Variants in RO60 observed in about 807,000 individuals in gnomAD.
The protein encoded by RO60 is Ro60, Y RNA binding protein.
In RO60, 20 loss-of-function variants were observed where a neutral mutation model predicts 55.3. The ratio of observed to expected loss-of-function variants is 0.36; its 90% CI spans 0.25 to 0.53. The LOEUF is 0.53. Ranked by LOEUF, RO60 falls within the 20% of genes least tolerant of loss-of-function variation. The probability of loss-of-function intolerance (pLI) is 0.92; values close to 1 mark genes in which losing one functional copy is unlikely to be tolerated. For synonymous variants in RO60, 213 were observed against 213.6 expected (o/e 1.00, Z 0.02); for missense variants, 558 against 646.6 (o/e 0.86, Z 1.49).
intron 1 of RO60, chr1:193,060,163 G>T: frequency 8.8e-7 from 1 of 1,139,250 alleles, no homozygotes; most frequent in Admixed American, 3.6e-5. Flanking sequence ...TTGGAAGAAG[G>T]ATCTTTGTGG....
At chr1:193,083,383 T>C (rs1674449839) in intron 8 of RO60, among the ~76,000 whole-genome samples, 1 of 152,242 alleles carries the variant, frequency 6.6e-6, no homozygotes, top group Non-Finnish European at 1.5e-5. Flanking sequence ...CTATGCTCTA[T>C]GTTTTATGGA....
At position 193,085,793 on chromosome 1, in the gene RO60, A is replaced by G. The variant is rs558624865; in HGVS notation, c.*1062A>G. The G allele has an allele frequency of 9.7e-4, 951 of 985,128 alleles. 1 individual carries two copies. The highest frequency in any genetic ancestry group is 1.1e-3 in the Non-Finnish European group (913 of 829,666). The allele number at this position is 985,128 out of a possible 1,614,324, so 61.0% of individuals were successfully genotyped here. The stretch of plus-strand genomic sequence containing the variant: ...TCTTCTTTGATAGTGTAAACAAATA[A>G]TAAAGCAATCTAGGTCCTTTAGGTT... On this transcript the variant is annotated 3_prime_UTR_variant, in exon 9 of 9. Coordinates refer to ENST00000400968, the MANE Select transcript of RO60 (RefSeq NM_001173524.2).
chr1:193,082,255 A>G lies in RO60; in HGVS notation c.1273A>G (p.Thr425Ala). 6.2e-7 allele frequency: 1 copy of G among 1,613,514 alleles called. No individual in the cohort carries two copies. Among genetic ancestry groups the G allele is most frequent in the Non-Finnish European group, 8.5e-7 (1 of 1,179,712 alleles). The change falls in exon 7 of 9, where the codon ACT (threonine) becomes GCT (alanine). Residue 425 changes from threonine (T) to alanine (A), a missense_variant. By Grantham distance (58) the Thr-to-Ala change is moderately conservative (BLOSUM62 0). Coordinates refer to ENST00000400968, the MANE Select transcript of RO60 (RefSeq NM_001173524.2). The part of the protein sequence containing the change: ...FSDEMVPCPV[T>A]TDMTLQQVLM... ...CGATGAAATGGTACCATGTCCAGTG[A>G]CTACAGATATGACCTTACAACAGGT...
intron 7 of RO60, 67 bp downstream of exon 7, chr1:193,082,366 G>A: frequency 1.4e-6 from 2 of 1,382,396 alleles, no homozygotes; most frequent in Non-Finnish European, 2.0e-6. Flanking sequence ...ATTTTATATT[G>A]ATGTCATGTA....
At chr1:193,079,409 G>A (rs2103064169) in intron 5 of RO60, among the ~76,000 whole-genome samples, 1 of 152,042 alleles carries the variant, frequency 6.6e-6, no homozygotes, top group Non-Finnish European at 1.5e-5. Context: ...TTTTGATAAG[G>A]GTGCCAAGAT....
chr1:193,086,929 C>T lies in RO60; in HGVS notation c.*2198C>T, dbSNP rs1390604431. 1 of 152,100 alleles carries T rather than the reference C, an allele frequency of 6.6e-6. No individual in the cohort carries two copies. Among genetic ancestry groups the T allele is most frequent in the Non-Finnish European group, 1.5e-5 (1 of 67,978 alleles). 9.4% of individuals were successfully genotyped at this position (152,100 alleles called of 1,614,324 possible). ...AATTTTTTAAATTTTTGTTAGAGAG[C>T]TGAGGTCCAAGACAGAGTGTGATTT... On this transcript the variant is annotated 3_prime_UTR_variant, in exon 9 of 9. Transcript: ENST00000400968.
chr1:193,062,860 C>T (rs1372690917), intron 1 of RO60, among the ~76,000 whole-genome samples: 1 of 152,190 alleles, frequency 6.6e-6, no homozygotes. Context: ...TCATGTATCA[C>T]TACTTCATCC....
intron 5 of RO60, among the ~76,000 whole-genome samples, chr1:193,078,789 T>A (rs952510483): frequency 6.6e-6 from 1 of 152,150 alleles, no homozygotes; most frequent in Non-Finnish European, 1.5e-5. Flanking sequence ...AAGATGACAA[T>A]ACTATCCAAA....
At chr1:193,070,385 G>C (rs1482860161) in intron 2 of RO60, among the ~76,000 whole-genome samples, 1 of 152,160 alleles carries the variant, frequency 6.6e-6, no homozygotes, top group Non-Finnish European at 1.5e-5. Flanking sequence ...CAGTTTTTCT[G>C]TATCTATGGA....
Position 193,085,515 on chromosome 1 carries a change from TATA to T in RO60, c.*789_*791del, listed in dbSNP as rs1204490113. The T allele has an allele frequency of 8.1e-6, 8 of 985,194 alleles. No individual in the cohort carries two copies. In the East Asian group the frequency reaches 6.8e-4, roughly 84 times the overall value. The allele number at this position is 985,194 out of a possible 1,614,324, so 61.0% of individuals were successfully genotyped here. A position where few individuals can be genotyped will look rare whatever the true frequency, so the allele number is the denominator to read the frequency against. ...GACTTGATAATGATTTCCTCTGAAT[TATA>T]ATAACATAGCCAGATGTAGTCTCAC... On this transcript the variant is annotated 3_prime_UTR_variant, in exon 9 of 9. Coordinates refer to ENST00000400968, the MANE Select transcript of RO60 (RefSeq NM_001173524.2).
chr1:193,069,344 C>G lies in RO60; in HGVS notation c.290C>G (p.Ala97Gly). ...TKQEPMLFAL[A>G]ICSQCSDIST... ...CAAGAGCCTATGCTCTTTGCACTTG[C>G]CATTTGTTCCCAGTGCTCCGACATA... Residue 97 changes from alanine (A) to glycine (G), a missense_variant, in exon 2 of 9, where the codon GCC becomes GGC. Physicochemically the swap from Ala to Gly is moderately conservative, Grantham distance 60 (BLOSUM62 0). Transcript: ENST00000400968. The G allele has an allele frequency of 6.2e-7, 1 of 1,614,208 alleles. No individual in the cohort carries two copies. Among genetic ancestry groups the G allele is most frequent in the Non-Finnish European group, 8.5e-7 (1 of 1,180,032 alleles).
At chr1:193,075,172 C>G (rs372911126) in intron 2 of RO60, among the ~76,000 whole-genome samples, 1 of 152,074 alleles carries the variant, frequency 6.6e-6, no homozygotes, top group Admixed American at 6.6e-5. Flanking sequence ...CTAGAAAGAC[C>G]ACCATTTATT....
chr1:193,073,071 T>A lies in RO60; in HGVS notation c.581-2749T>A, dbSNP rs1175790575. The stretch of plus-strand genomic sequence containing the variant: ...ACAGACAAAACAAGTCAAAATGTGA[T>A]TCAAGTCATCAGGTATGGTATTTTT... On this transcript the variant is annotated intron_variant, in intron 2 of 8. Transcript: ENST00000400968. Among the ~76,000 whole-genome samples the A allele has an allele frequency of 3.9e-5, 6 of 152,246 alleles. No homozygotes were observed. In the East Asian group the frequency reaches 1.2e-3, roughly 29 times the overall value.
rs200326552 is a variant in RO60, at chr1:193,076,943, G to T, written c.979G>T (p.Ala327Ser). The T allele has an allele frequency of 3.7e-6, 6 of 1,610,866 alleles. No individual in the cohort carries two copies. In the African/African-American group the frequency reaches 4.0e-5, roughly 11 times the overall value. ...ARIHPFHILI[A>S]LETYKTGHGL... ...TATACATCCATTTCATATTTTGATC[G>T]CATTAGAAACTTACAAGACAGGTCA... Residue 327 changes from alanine (A) to serine (S), a missense_variant, in exon 5 of 9, where the codon GCA becomes TCA. Ala to Ser is a moderately conservative substitution (Grantham distance 99). Coordinates refer to ENST00000400968, the MANE Select transcript of RO60 (RefSeq NM_001173524.2).
chr1:193,076,278 C>G (rs1440409624), intron 3 of RO60, among the ~76,000 whole-genome samples: 1 of 152,030 alleles, frequency 6.6e-6, no homozygotes, highest in Non-Finnish European at 1.5e-5. Context: ...AAAAAATCAT[C>G]TATGCATTTC....
At chr1:193,070,810 A>G (rs1416055411) in intron 2 of RO60, among the ~76,000 whole-genome samples, 1 of 152,214 alleles carries the variant, frequency 6.6e-6, no homozygotes, top group Non-Finnish European at 1.5e-5. Context: ...TTTTTTAACT[A>G]TAACTGGGGT....
At position 193,085,273 on chromosome 1, in the gene RO60, C is replaced by CA. The variant is rs1674575356; in HGVS notation, c.*543dup. 1 of 1,103,488 alleles carries CA rather than the reference C, an allele frequency of 9.1e-7. No homozygotes were observed. The highest frequency in any genetic ancestry group is 4.1e-5 in the South Asian group (1 of 24,334). The allele number at this position is 1,103,488 out of a possible 1,614,324, so 68.4% of individuals were successfully genotyped here. A position where few individuals can be genotyped will look rare whatever the true frequency, so the allele number is the denominator to read the frequency against. On this transcript the variant is annotated 3_prime_UTR_variant, in exon 9 of 9. Coordinates refer to ENST00000400968, the MANE Select transcript of RO60 (RefSeq NM_001173524.2). The stretch of plus-strand genomic sequence containing the variant: ...ATGAATGAGTTTTACAAATTCCTTT[C>CA]AGAGTTTTACTAAGATCACACAAAT...
At chr1:193,080,589 T>C (rs562153758) in intron 5 of RO60, among the ~76,000 whole-genome samples, 134 of 152,328 alleles carry the variant, frequency 8.8e-4, no homozygotes, top group African/African-American at 3.1e-3. Context: ...TGCTAGTATA[T>C]AGAAATACAA....
At chr1:193,071,082 T>G (rs1163260115) in intron 2 of RO60, among the ~76,000 whole-genome samples, 1 of 152,170 alleles carries the variant, frequency 6.6e-6, no homozygotes, top group East Asian at 1.9e-4. Flanking sequence ...CCTCAGATCA[T>G]CAGGCATCAG....
Sources: allele counts gnomAD v4.1 joint callset (sites outside exome capture counted in the v4.1 genomes callset), GRCh38; gene constraint gnomAD v4.1.1; transcripts MANE v1.5; gene names NCBI Gene and HGNC (gene_info 2026-07-23, HGNC 2026-07-21).